MYO16: variants seen among roughly 807,000 people sequenced by gnomAD.
MYO16 encodes unconventional myosin-XVI.
Under a neutral mutation model 205.3 loss-of-function variants are expected in MYO16, and 94 were observed. That is an observed-to-expected ratio of 0.46 (90% CI 0.39 to 0.54). MYO16 has a LOEUF of 0.54. Among genes scored for constraint, MYO16 ranks in the 20% least tolerant of loss-of-function variants. The pLI, the probability that MYO16 is intolerant of heterozygous loss-of-function variation, is 0.00. For missense variants in MYO16, 2,315 were observed against 2,387.5 expected, an observed-to-expected ratio of 0.97 and a Z score of 0.63; for synonymous variants, 988 against 954.0, an observed-to-expected ratio of 1.04 and a Z score of -0.66.
chr13:108,837,106 G>A (rs1468080931), intron 9 of MYO16, among the ~76,000 whole-genome samples: 1 of 152,188 alleles, frequency 6.6e-6, no homozygotes, highest in East Asian at 1.9e-4. Context: ...TGTGGTGGGA[G>A]GGATCCAGTG....
chr13:108,760,143 G>C (rs1434639701), intron 4 of MYO16, among the ~76,000 whole-genome samples: 1 of 152,068 alleles, frequency 6.6e-6, no homozygotes, highest in East Asian at 1.9e-4. Flanking sequence ...CCACACTATC[G>C]AATACTAGAA....
Position 109,019,898 on chromosome 13 carries a change from A to G in MYO16, c.2783A>G (p.His928Arg). 6.2e-7 allele frequency: 1 copy of G among 1,614,164 alleles called. No individual in the cohort carries two copies. The highest frequency in any genetic ancestry group is 8.5e-7 in the Non-Finnish European group (1 of 1,180,010). ...CACGGTACAGCCTTCACCATCATGCACTACGCAGGAAGGGTAAGTGGCCAG... is the reference window on the plus strand; with the variant it reads ...CACGGTACAGCCTTCACCATCATGCGCTACGCAGGAAGGGTAAGTGGCCAG... ...KDHGTAFTIM[H>R]YAGRVMYDVV... is the part of the protein sequence containing the mutation. Residue 928 changes from histidine (H) to arginine (R), a missense_variant, in exon 23 of 35, where the codon CAC becomes CGC. Physicochemically the swap from His to Arg is conservative, Grantham distance 29. Coordinates refer to ENST00000457511, the MANE Select transcript of MYO16 (RefSeq NM_001198950.3).
At chr13:108,610,573 A>G (rs1879135976) in intron 1 of MYO16, among the ~76,000 whole-genome samples, 1 of 152,178 alleles carries the variant, frequency 6.6e-6, no homozygotes. Flanking sequence ...TTCAAATTGC[A>G]TGCATAGGTG....
At chr13:108,607,714 G>A (rs1221566031) in intron 1 of MYO16, among the ~76,000 whole-genome samples, 3 of 152,042 alleles carry the variant, frequency 2.0e-5, no homozygotes, top group Non-Finnish European at 4.4e-5. Context: ...GGGTAGTGTT[G>A]GTATAGAAAG....
chr13:109,001,579 C>T (rs528899280), intron 21 of MYO16, among the ~76,000 whole-genome samples: 38 of 152,220 alleles, frequency 2.5e-4, no homozygotes, highest in Middle Eastern at 3.4e-3. Context: ...ACTTTTAAAA[C>T]TGAAGTAAAC....
chr13:108,700,570 C>A (rs1341489254), intron 2 of MYO16, among the ~76,000 whole-genome samples: 4 of 152,144 alleles, frequency 2.6e-5, no homozygotes, highest in Non-Finnish European at 4.4e-5. Context: ...CCTCCAAAAA[C>A]ACCATTCTTA....
At chr13:109,079,661 A>G (rs954928077) in intron 27 of MYO16, among the ~76,000 whole-genome samples, 2 of 152,144 alleles carry the variant, frequency 1.3e-5, no homozygotes, top group African/African-American at 4.8e-5. Context: ...TATGCTCACT[A>G]TCTGAGGGAC....
the MYO16 span, among the ~76,000 whole-genome samples, chr13:108,509,038 C>T: frequency 6.6e-6 from 1 of 152,172 alleles, no homozygotes; most frequent in South Asian, 2.1e-4. Flanking sequence ...AGGTGAGAAA[C>T]GCTGAGCTAA....
intron 15 of MYO16, among the ~76,000 whole-genome samples, chr13:108,902,132 C>T (rs760501995): frequency 3.3e-5 from 5 of 152,100 alleles, no homozygotes; most frequent in South Asian, 2.1e-4. Flanking sequence ...GTATATTATG[C>T]GTACTATAAA....
the MYO16 span, among the ~76,000 whole-genome samples, chr13:108,520,556 G>A: frequency 2.3e-3 from 351 of 152,114 alleles, 2 homozygotes; most frequent in African/African-American, 8.1e-3. Flanking sequence ...ATAAAATATG[G>A]CACATTAAAC....
chr13:108,572,786 AC>A, the MYO16 span, among the ~76,000 whole-genome samples: 1 of 152,162 alleles, frequency 6.6e-6, no homozygotes, highest in African/African-American at 2.4e-5. Context: ...ATTTGAAAAT[AC>A]CGTTAAATTA....
At chr13:109,050,344 G>A (rs903951360) in intron 24 of MYO16, among the ~76,000 whole-genome samples, 1 of 151,918 alleles carries the variant, frequency 6.6e-6, no homozygotes, top group Admixed American at 6.6e-5. Flanking sequence ...TTTAGAAGCA[G>A]GTTATGAATT....
chr13:109,067,366 A>G (rs1887785818), intron 27 of MYO16, among the ~76,000 whole-genome samples: 3 of 152,234 alleles, frequency 2.0e-5, no homozygotes, highest in Admixed American at 2.0e-4. Flanking sequence ...GCACTCGTGT[A>G]AAGTTGATTA....
chr13:108,727,551 G>C lies in MYO16; in HGVS notation c.475G>C (p.Asp159His). The C allele has an allele frequency of 6.2e-7, 1 of 1,613,764 alleles. No individual in the cohort carries two copies. The highest frequency in any genetic ancestry group is 8.5e-7 in the Non-Finnish European group (1 of 1,179,876). Residue 159 changes from aspartate to histidine, a missense_variant, in exon 4 of 35, where the codon GAT (aspartate) becomes CAT (histidine). Physicochemically the swap from Asp to His is moderately conservative, Grantham distance 81. This residue lies in a region of MYO16 where 1,213 missense variants were observed against 1,274.4 expected (regional missense o/e 0.95). Transcript: ENST00000457511. ...GCCCATGCACATTGCCTGTGCCTGC[G>C]ATAACCCTGATATTGTCCTGCTTCT... ...WTPMHIACACDNPDIVLLLVL... is the reference protein window; with the variant it reads ...WTPMHIACACHNPDIVLLLVL...
intron 31 of MYO16, among the ~76,000 whole-genome samples, chr13:109,128,338 A>C (rs1158661436): frequency 6.6e-6 from 1 of 152,238 alleles, no homozygotes; most frequent in African/African-American, 2.4e-5. Context: ...TGCTGAGAGA[A>C]ATACATAGAC....
intron 9 of MYO16, among the ~76,000 whole-genome samples, chr13:108,832,191 G>A (rs1376232117): frequency 6.8e-6 from 1 of 147,708 alleles, no homozygotes. Flanking sequence ...CGCCCAGGCT[G>A]GAGGGCAATG....
intron 6 of MYO16, among the ~76,000 whole-genome samples, chr13:108,803,231 C>A (rs1887018045): frequency 6.6e-6 from 1 of 152,122 alleles, no homozygotes; most frequent in Non-Finnish European, 1.5e-5. Context: ...CTCTGTGCTG[C>A]CTTAAACCCT....
chr13:108,870,320 A>C (rs1878987332), intron 12 of MYO16, among the ~76,000 whole-genome samples: 1 of 151,960 alleles, frequency 6.6e-6, no homozygotes, highest in Non-Finnish European at 1.5e-5. Flanking sequence ...GAGGGCATCT[A>C]TGTTCATGAA....
At chr13:108,549,596 A>G in the MYO16 span, among the ~76,000 whole-genome samples, 1 of 152,120 alleles carries the variant, frequency 6.6e-6, no homozygotes, top group Non-Finnish European at 1.5e-5. Context: ...TAAATGAAAG[A>G]TAGAATGAAG....
Sources: gnomAD v4.1 joint callset for allele counts (sites outside exome capture counted in the v4.1 genomes callset) on GRCh38, gnomAD v4.1.1 for gene constraint, gnomAD v4.1.1 regional missense constraint, MANE v1.5 for transcripts, NCBI Gene and HGNC (gene_info 2026-07-23, HGNC 2026-07-21) for gene names.